ELP4: variants seen among roughly 807,000 people sequenced by gnomAD.
ELP4 encodes the protein elongator complex protein 4.
A neutral mutation model predicts 48.9 loss-of-function variants in ELP4; 51 were observed. The ratio of observed to expected loss-of-function variants is 1.04; its 90% CI spans 0.83 to 1.32. ELP4 has a LOEUF of 1.32. ELP4 is among the 40% of genes most tolerant of loss of function. The probability of loss-of-function intolerance (pLI) is 0.00; values close to 1 mark genes in which losing one functional copy is unlikely to be tolerated. For synonymous variants in ELP4, 210 were observed against 189.2 expected, an observed-to-expected ratio of 1.11 and a Z score of -0.90; for missense variants, 519 against 514.6, an observed-to-expected ratio of 1.01 and a Z score of -0.08.
intron 3 of ELP4, among the ~76,000 whole-genome samples, chr11:31,569,342 CTG>C (rs1008094864): frequency 2.0e-5 from 3 of 152,178 alleles, no homozygotes; most frequent in African/African-American, 7.2e-5. Context: ...TATTCACAAA[CTG>C]TGCATCTGAC....
intron 2 of ELP4, among the ~76,000 whole-genome samples, chr11:31,535,593 A>G (rs560730875): frequency 6.6e-6 from 1 of 152,286 alleles, no homozygotes; most frequent in South Asian, 2.1e-4. Context: ...TGACCCTGCC[A>G]TCTTGGCCTC....
intron 9 of ELP4, among the ~76,000 whole-genome samples, chr11:31,768,108 G>A (rs180794084): frequency 2.6e-5 from 4 of 152,184 alleles, no homozygotes; most frequent in African/African-American, 9.6e-5. Flanking sequence ...ATTTCAGAGG[G>A]CTCTGATACT....
intron 9 of ELP4, among the ~76,000 whole-genome samples, chr11:31,711,886 GA>G (rs1946749965): frequency 6.6e-6 from 1 of 152,046 alleles, no homozygotes; most frequent in Admixed American, 6.6e-5. Flanking sequence ...TGCAGCTGAT[GA>G]AAATAAGTAT....
intron 4 of ELP4, among the ~76,000 whole-genome samples, chr11:31,602,095 G>T (rs1191045348): frequency 6.6e-6 from 1 of 151,728 alleles, no homozygotes; most frequent in Non-Finnish European, 1.5e-5. Flanking sequence ...GGGCCTGAGG[G>T]GGATTTGCAT....
At chr11:31,518,679 G>A (rs1004119095) in intron 1 of ELP4, among the ~76,000 whole-genome samples, 70 of 151,508 alleles carry the variant, frequency 4.6e-4, no homozygotes, top group African/African-American at 1.7e-3. Context: ...GGTGAATCAC[G>A]AGGTCAGGAG....
chr11:31,662,609 G>T (rs1945586982), intron 9 of ELP4: 2 of 397,740 alleles, frequency 5.0e-6, no homozygotes, highest in Non-Finnish European at 8.9e-6. Flanking sequence ...TTTCTATAAA[G>T]AAGAACCCCT....
chr11:31,544,565 C>T (rs559815127), intron 3 of ELP4, among the ~76,000 whole-genome samples: 2 of 152,202 alleles, frequency 1.3e-5, no homozygotes, highest in Non-Finnish European at 2.9e-5. Flanking sequence ...CTCCACCTCT[C>T]GGGGCAGGGC....
At chr11:31,620,370 T>G (rs1449725411) in intron 5 of ELP4, among the ~76,000 whole-genome samples, 1 of 151,952 alleles carries the variant, frequency 6.6e-6, no homozygotes, top group Non-Finnish European at 1.5e-5. Context: ...GTGAAAGGTG[T>G]GGTAGACAAT....
rs1956289461 is a variant in ELP4 at position 31,526,063 on chromosome 11, A to G, written c.259+5972A>G. Among the ~76,000 whole-genome samples, 4 of 152,120 alleles carry G rather than the reference A, an allele frequency of 2.6e-5. No homozygotes were observed. In the South Asian group the frequency reaches 8.3e-4, roughly 31 times the overall value. On this transcript the variant is annotated intron_variant, in intron 2 of 9. Transcript: ENST00000640961. ...TATTTTATTGAAACATTTAACATTT[A>G]TTGAGGATGTACTGTGTGCTGGGCA... is the stretch of plus-strand genomic sequence containing the variant.
chr11:31,624,422 G>C (rs1297344523), intron 5 of ELP4, among the ~76,000 whole-genome samples: 1 of 151,552 alleles, frequency 6.6e-6, no homozygotes, highest in Non-Finnish European at 1.5e-5. Context: ...AAAAGGTTCA[G>C]TAAATAATAG....
intron 9 of ELP4, among the ~76,000 whole-genome samples, chr11:31,726,212 A>G (rs781523526): frequency 1.3e-5 from 2 of 152,192 alleles, no homozygotes; most frequent in Non-Finnish European, 1.5e-5. Flanking sequence ...ACATCAGATC[A>G]AGGGGTTATC....
At chr11:31,710,483 G>A (rs919509557) in intron 9 of ELP4, among the ~76,000 whole-genome samples, 1 of 152,110 alleles carries the variant, frequency 6.6e-6, no homozygotes, top group African/African-American at 2.4e-5. Flanking sequence ...AAATCAGCCA[G>A]GCATTGTGGC....
intron 6 of ELP4, chr11:31,628,436 T>TACACACACACACAC (rs55801807): frequency 1.1e-4 from 16 of 148,242 alleles, no homozygotes; most frequent in East Asian, 1.0e-3. Flanking sequence ...GCAAAAGGAA[T>TACACACACACACAC]ACACACACAC....
intron 9 of ELP4, among the ~76,000 whole-genome samples, chr11:31,730,734 G>T (rs551637467): frequency 6.6e-6 from 1 of 152,250 alleles, no homozygotes; most frequent in South Asian, 2.1e-4. Flanking sequence ...AACTTGGTTA[G>T]CTCTATCTCA....
intron 5 of ELP4, among the ~76,000 whole-genome samples, chr11:31,618,483 C>G (rs1944543683): frequency 6.6e-6 from 1 of 152,036 alleles, no homozygotes; most frequent in Non-Finnish European, 1.5e-5. Context: ...TGAACTCACC[C>G]TTTTGTACTG....
chr11:31,655,271 C>T (rs1457951287), intron 9 of ELP4, among the ~76,000 whole-genome samples: 1 of 151,880 alleles, frequency 6.6e-6, no homozygotes, highest in East Asian at 1.9e-4. Context: ...ATTTCACATG[C>T]CATAGTTAAC....
At position 31,678,560 on chromosome 11, in the gene ELP4, T is replaced by C. The variant is rs565535144; in HGVS notation, c.1143+28339T>C. On this transcript the variant is annotated intron_variant, in intron 9 of 9. Coordinates refer to ENST00000640961, the MANE Select transcript of ELP4 (RefSeq NM_019040.5). ...GTGTGTGTATATGTGCATTTTATGT[T>C]CTCCTATGTCTTTCTCTGGCTTGAT... is the stretch of plus-strand genomic sequence containing the variant. Among the ~76,000 whole-genome samples the C allele has an allele frequency of 9.3e-5, 14 of 150,840 alleles. No individual in the cohort carries two copies. In the South Asian group the frequency reaches 2.7e-3, roughly 29 times the overall value.
At chr11:31,609,964 T>C (rs1957946581) in intron 5 of ELP4, among the ~76,000 whole-genome samples, 1 of 152,096 alleles carries the variant, frequency 6.6e-6, no homozygotes, top group South Asian at 2.1e-4. Flanking sequence ...GAGAATCACC[T>C]GAGACTGAGA....
At chr11:31,686,948 A>G (rs139859692) in intron 9 of ELP4, among the ~76,000 whole-genome samples, 92 of 152,188 alleles carry the variant, frequency 6.0e-4, no homozygotes, top group Admixed American at 4.6e-4. Context: ...ACTAGAGGCC[A>G]AGAGTTGAGT....
Sources: allele counts gnomAD v4.1 joint callset (sites outside exome capture counted in the v4.1 genomes callset), GRCh38; gene constraint gnomAD v4.1.1; transcripts MANE v1.5; gene names NCBI Gene and HGNC (gene_info 2026-07-23, HGNC 2026-07-21).